RTN1: variants seen among roughly 807,000 people sequenced by gnomAD.
The protein encoded by RTN1 is reticulon 1.
Under a neutral mutation model 65.5 loss-of-function variants are expected in RTN1, and 25 were observed. The ratio of observed to expected loss-of-function variants is 0.38; its 90% CI spans 0.28 to 0.53. RTN1 has a LOEUF of 0.53. Ranked by LOEUF, RTN1 falls within the 20% of genes least tolerant of loss-of-function variation. The pLI is 0.79. For synonymous variants in RTN1, 471 were observed against 447.6 expected (o/e 1.05, Z -0.66); for missense variants, 983 against 1,025.4 (o/e 0.96, Z 0.57).
intron 1 of RTN1, among the ~76,000 whole-genome samples, chr14:59,783,097 A>C (rs1405399015): frequency 6.6e-6 from 1 of 152,236 alleles, no homozygotes; most frequent in Non-Finnish European, 1.5e-5. Context: ...GACAGAAAAA[A>C]GGTTAGGAAA....
In RTN1 at chr14:59,816,875, G is replaced by C. The variant is rs534185359; in HGVS notation, c.241+53515C>G. Among the ~76,000 whole-genome samples, 1 of 152,324 alleles carries C rather than the reference G, an allele frequency of 6.6e-6. No homozygotes were observed. The highest frequency in any genetic ancestry group is 1.5e-5 in the Non-Finnish European group (1 of 68,026). The stretch of plus-strand genomic sequence containing the variant: ...CTGAGCCTGAGAGGCGGAGGTTGCA[G>C]TGAGTCGAGATCGCGCCACTGTACT... On this transcript the variant is annotated intron_variant, in intron 1 of 8. Coordinates refer to ENST00000267484, the MANE Select transcript of RTN1 (RefSeq NM_021136.3). The surrounding 1 kb of genome is among the most constrained non-coding windows in gnomAD (Gnocchi z 4.3).
intron 1 of RTN1, among the ~76,000 whole-genome samples, chr14:59,757,368 C>G (rs1885660792): frequency 6.6e-6 from 1 of 152,250 alleles, no homozygotes; most frequent in East Asian, 1.9e-4. Flanking sequence ...GAATACGTTT[C>G]ATGAGATCTG....
chr14:59,816,502 G>A lies in RTN1; in HGVS notation c.241+53888C>T, dbSNP rs1020549568. Reference sequence around the variant, plus strand: ...CACAGCACCTGAGACACAGTAGGAGGCTTAATAAATATTTATTGCACATAG... The same window carrying A: ...CACAGCACCTGAGACACAGTAGGAGACTTAATAAATATTTATTGCACATAG... On this transcript the variant is annotated intron_variant, in intron 1 of 8. Coordinates refer to ENST00000267484, the MANE Select transcript of RTN1 (RefSeq NM_021136.3). This position sits in a 1 kb window ranked among gnomAD's most constrained non-coding sequence, Gnocchi z 4.3. Among the ~76,000 whole-genome samples the A allele has an allele frequency of 4.6e-5, 7 of 152,108 alleles. No homozygotes were observed. Among genetic ancestry groups the A allele is most frequent in the African/African-American group, 1.7e-4 (7 of 41,408 alleles).
At chr14:59,855,422 G>A (rs913803485) in intron 1 of RTN1, among the ~76,000 whole-genome samples, 1 of 151,878 alleles carries the variant, frequency 6.6e-6, no homozygotes, top group African/African-American at 2.4e-5. Flanking sequence ...TATTTCTTTG[G>A]TGAGACTTTC....
chr14:59,643,574 G>A (rs1882827612), intron 3 of RTN1, among the ~76,000 whole-genome samples: 1 of 152,184 alleles, frequency 6.6e-6, no homozygotes, highest in African/African-American at 2.4e-5. Flanking sequence ...CTGAAACTTT[G>A]TGAACTTGAG....
rs1884774080 is a variant in RTN1, at chr14:59,726,946, G to T, written c.1738C>A (p.Pro580Thr). The T allele has an allele frequency of 6.2e-7, 1 of 1,613,028 alleles. No individual in the cohort carries two copies. Among genetic ancestry groups the T allele is most frequent in the Non-Finnish European group, 8.5e-7 (1 of 1,179,596 alleles). ...TTTTGCTTATTGAGAAACAGCAGTG[G>T]GGGCGGGGCGCCAGGACCTAGAGGC... ...PGPLGPGAPP[P>T]LLFLNKQKAI... The change falls in exon 3 of 9, where the codon CCA becomes ACA. Residue 580 changes from proline to threonine, a missense_variant. Transcript: ENST00000267484.
chr14:59,729,665 T>G (rs1291410730), intron 2 of RTN1, among the ~76,000 whole-genome samples: 4 of 152,180 alleles, frequency 2.6e-5, no homozygotes, highest in Admixed American at 2.6e-4. Flanking sequence ...AGCAGCAGCA[T>G]CCTCTGCTGG....
intron 1 of RTN1, among the ~76,000 whole-genome samples, chr14:59,788,143 T>C (rs1886286008): frequency 6.6e-6 from 1 of 152,222 alleles, no homozygotes; most frequent in South Asian, 2.1e-4. Flanking sequence ...ATTTAACTTT[T>C]TTCCCAGAAT....
chr14:59,805,374 G>T (rs1886618350), intron 1 of RTN1, among the ~76,000 whole-genome samples: 1 of 152,162 alleles, frequency 6.6e-6, no homozygotes, highest in Non-Finnish European at 1.5e-5. Flanking sequence ...ACAGAATTCA[G>T]GTTCACAGGC....
intron 3 of RTN1, among the ~76,000 whole-genome samples, chr14:59,702,430 T>G (rs919961678): frequency 7.9e-5 from 12 of 152,218 alleles, no homozygotes; most frequent in African/African-American, 2.2e-4. Flanking sequence ...TATATAAAGT[T>G]TAATTGCCAG....
intron 3 of RTN1, among the ~76,000 whole-genome samples, chr14:59,722,834 G>A (rs1294555597): frequency 1.5e-5 from 2 of 133,962 alleles, no homozygotes; most frequent in East Asian, 4.4e-4. Context: ...GTCTTTCTTT[G>A]TTGCACAGGC....
At chr14:59,674,251 G>A (rs904925767) in intron 3 of RTN1, among the ~76,000 whole-genome samples, 2 of 152,190 alleles carry the variant, frequency 1.3e-5, no homozygotes, top group East Asian at 1.9e-4. Context: ...GATAGCTACC[G>A]ATATGGGTGG....
At chr14:59,600,785 G>A (rs981467433) in intron 8 of RTN1, among the ~76,000 whole-genome samples, 1 of 152,124 alleles carries the variant, frequency 6.6e-6, no homozygotes, top group Non-Finnish European at 1.5e-5. Context: ...ATTAGTCATA[G>A]GTAACATTTC....
chr14:59,669,286 TG>T (rs1458873818), intron 3 of RTN1, among the ~76,000 whole-genome samples: 2 of 152,106 alleles, frequency 1.3e-5, no homozygotes, highest in Non-Finnish European at 2.9e-5. Context: ...TAAAAAAGGA[TG>T]GGTTCATGTT....
intron 1 of RTN1, among the ~76,000 whole-genome samples, chr14:59,861,236 C>G (rs930038425): frequency 6.6e-6 from 1 of 152,072 alleles, no homozygotes; most frequent in Non-Finnish European, 1.5e-5. Context: ...CCATGCTGTT[C>G]TCATGATAGT....
At position 59,870,359 on chromosome 14, in the gene RTN1, G is replaced by A; in HGVS notation, c.241+31C>T. 2.7e-6 allele frequency: 4 copies of A among 1,470,638 alleles called. No individual in the cohort carries two copies. The highest frequency in any genetic ancestry group is 3.6e-6 in the Non-Finnish European group (4 of 1,120,420). The allele number at this position is 1,470,638 out of a possible 1,614,324, so 91.1% of individuals were successfully genotyped here. ...TGACTGGGGGGCCCTGGTCCCCGAC[G>A]CCATTTGAGGGGCAGCGGCGCCCGC... On this transcript the variant is annotated intron_variant, in intron 1 of 8. Coordinates refer to ENST00000267484, the MANE Select transcript of RTN1 (RefSeq NM_021136.3). The surrounding 1 kb of genome is among the most constrained non-coding windows in gnomAD (Gnocchi z 5.1).
chr14:59,674,944 T>C (rs1445571031), intron 3 of RTN1, among the ~76,000 whole-genome samples: 2 of 152,058 alleles, frequency 1.3e-5, no homozygotes, highest in East Asian at 3.9e-4. Context: ...AAAATACTTG[T>C]TGAAAATGCA....
At chr14:59,702,458 T>A (rs1348106597) in intron 3 of RTN1, among the ~76,000 whole-genome samples, 4 of 152,244 alleles carry the variant, frequency 2.6e-5, no homozygotes, top group Non-Finnish European at 5.9e-5. Context: ...TTGTCTTTAC[T>A]ACTGCACCCA....
intron 3 of RTN1, among the ~76,000 whole-genome samples, chr14:59,699,084 G>C (rs1012181985): frequency 5.3e-5 from 8 of 152,048 alleles, no homozygotes; most frequent in Non-Finnish European, 1.2e-4. Context: ...AATAGATGTT[G>C]CTGGAAACAT....
Sources: allele counts gnomAD v4.1 joint callset (sites outside exome capture counted in the v4.1 genomes callset), GRCh38; gene constraint gnomAD v4.1.1; non-coding constraint Gnocchi (gnomAD v3.1); transcripts MANE v1.5; gene names NCBI Gene and HGNC (gene_info 2026-07-23, HGNC 2026-07-21).